Variants in SLC7A9 observed in about 807,000 individuals in gnomAD.
SLC7A9 encodes B(0,+)-type amino acid transporter 1.
A neutral mutation model predicts 54.1 loss-of-function variants in SLC7A9; 38 were observed. That is an observed-to-expected ratio of 0.70 (90% CI 0.54 to 0.92). The LOEUF (loss-of-function observed/expected upper bound fraction) is 0.92, where lower values mean the gene tolerates loss of function less well. Ranked by LOEUF, SLC7A9 falls within the 40% of genes least tolerant of loss-of-function variation. SLC7A9 has a pLI of 0.00. For missense variants in SLC7A9, 537 were observed against 636.1 expected, an observed-to-expected ratio of 0.84 and a Z score of 1.68; for synonymous variants, 264 against 258.9, an observed-to-expected ratio of 1.02 and a Z score of -0.19.
At chr19:32,868,720 C>A in intron 1 of SLC7A9, 75 bp from the exon 2 acceptor site, 1 of 661,754 alleles carries the variant, frequency 1.5e-6, no homozygotes, top group African/African-American at 1.8e-5. Flanking sequence ...GCGCTGGGCC[C>A]CAGAGTCAAA....
intron 7 of SLC7A9, 131 bp downstream of exon 7, chr19:32,860,470 CAAAAA>C: frequency 3.7e-6 from 5 of 1,359,824 alleles, no homozygotes; most frequent in South Asian, 1.4e-5. Context: ...GACTCTGTCT[CAAAAA>C]AAAAAAAAAA....
At position 32,842,526 on chromosome 19, in the gene SLC7A9, A is replaced by C. The variant is rs373009785; in HGVS notation, c.1075-209T>G. On this transcript the variant is annotated intron_variant, in intron 10 of 12. Coordinates refer to ENST00000023064, the MANE Select transcript of SLC7A9 (RefSeq NM_014270.5). ...GCAGAAAAGACCTGGGAAATTTCTG[A>C]ATCTTTGAGGTTGTGATTTTAAGCA... Among the ~76,000 whole-genome samples, 59 of 152,288 alleles carry C rather than the reference A, an allele frequency of 3.9e-4. 1 individual carries two copies. The South Asian group carries it at 0.012, about 31-fold the overall frequency.
intron 9 of SLC7A9, among the ~76,000 whole-genome samples, chr19:32,846,343 T>C (rs1968294199): frequency 6.6e-6 from 1 of 151,886 alleles, no homozygotes; most frequent in South Asian, 2.1e-4. Context: ...TCCAACGGGC[T>C]TAAAAAACGG....
intron 9 of SLC7A9, among the ~76,000 whole-genome samples, chr19:32,845,944 C>G (rs555257111): frequency 2.8e-4 from 43 of 152,282 alleles, no homozygotes; most frequent in Non-Finnish European, 5.9e-4. Flanking sequence ...GCAGAAGTTG[C>G]AGTGAGCCGA....
chr19:32,853,236 T>C (rs1167850023), intron 9 of SLC7A9, among the ~76,000 whole-genome samples: 1 of 152,110 alleles, frequency 6.6e-6, no homozygotes. Flanking sequence ...AGATGAAATG[T>C]CAAGAAAAAG....
chr19:32,857,433 G>T (rs1042995808), intron 9 of SLC7A9, among the ~76,000 whole-genome samples: 18 of 152,050 alleles, frequency 1.2e-4, no homozygotes, highest in Admixed American at 6.6e-5. Flanking sequence ...GACAGAGTGA[G>T]ACCTTGCCTC....
Position 32,868,635 on chromosome 19 carries a change from A to T in SLC7A9, c.-101T>A. The stretch of plus-strand genomic sequence containing the variant: ...CGCAAGTGCAAGCTCGGCCTGGACT[A>T]GGGGAGCTGGCTGCAAAAGCACAGT... On this transcript the variant is annotated 5_prime_UTR_variant, in exon 2 of 13. Coordinates refer to ENST00000023064, the MANE Select transcript of SLC7A9 (RefSeq NM_014270.5). The T allele has an allele frequency of 1.0e-6, 1 of 973,634 alleles. No homozygotes were observed. Among genetic ancestry groups the T allele is most frequent in the Non-Finnish European group, 1.7e-6 (1 of 603,230 alleles). The allele number at this position is 973,634 out of a possible 1,614,324, so 60.3% of individuals were successfully genotyped here.
chr19:32,836,434 G>GT (rs1332711985), intron 11 of SLC7A9, among the ~76,000 whole-genome samples: 6 of 152,070 alleles, frequency 3.9e-5, no homozygotes, highest in African/African-American at 1.4e-4. Flanking sequence ...TCAATTTCCT[G>GT]TTTTGTTTCA....
At chr19:32,843,118 G>T (rs997287420) in intron 10 of SLC7A9, among the ~76,000 whole-genome samples, 1 of 152,070 alleles carries the variant, frequency 6.6e-6, no homozygotes, top group African/African-American at 2.4e-5. Flanking sequence ...CAGAACAGTT[G>T]CACAAAACAA....
At chr19:32,855,962 A>C (rs976813990) in intron 9 of SLC7A9, among the ~76,000 whole-genome samples, 3 of 152,170 alleles carry the variant, frequency 2.0e-5, no homozygotes, top group Non-Finnish European at 2.9e-5. Context: ...CCACCAGCCC[A>C]GATAGTTGTA....
chr19:32,858,766 A>ATATTTATT (rs1417681756), intron 8 of SLC7A9, among the ~76,000 whole-genome samples: 9 of 95,682 alleles, frequency 9.4e-5, no homozygotes, highest in African/African-American at 3.3e-4. Context: ...CCTGGCATAA[A>ATATTTATT]TCTTTATTTA....
Position 32,862,157 on chromosome 19 carries a change from C to G in SLC7A9, c.665G>C (p.Ser222Thr). Residue 222 changes from serine to threonine, a missense_variant, in exon 6 of 13, where the codon AGC (serine) becomes ACC (threonine). By Grantham distance (58) the Ser-to-Thr change is moderately conservative. Transcript: ENST00000023064. ...EGAQLSVGAI[S>T]LAFYNGLWAY... The stretch of plus-strand genomic sequence containing the variant: ...CCAGAGTCCATTGTAAAACGCCAGG[C>G]TGATGGCTCCCACAGACAGCTGGGC... 1 of 1,613,820 alleles carries G rather than the reference C, an allele frequency of 6.2e-7. No homozygotes were observed. Among genetic ancestry groups the G allele is most frequent in the Non-Finnish European group, 8.5e-7 (1 of 1,179,772 alleles).
chr19:32,862,268 A>T, intron 5 of SLC7A9, 51 bp from the exon 6 acceptor site: 1 of 1,489,180 alleles, frequency 6.7e-7, no homozygotes, highest in Non-Finnish European at 9.4e-7. Context: ...GCAGATCTTG[A>T]GTGTATCTCC....
intron 9 of SLC7A9, among the ~76,000 whole-genome samples, chr19:32,846,453 G>A (rs181319799): frequency 1.9e-4 from 29 of 152,318 alleles, no homozygotes; most frequent in Middle Eastern, 3.4e-3. Flanking sequence ...ACTGCAAGGC[G>A]GCAGCGAGGC....
rs886054331 is a variant in SLC7A9 at position 32,869,693 on chromosome 19, C to T, written c.-119G>A. The T allele has an allele frequency of 3.3e-5, 5 of 152,310 alleles. No homozygotes were observed. The highest frequency in any genetic ancestry group is 4.8e-5 in the African/African-American group (2 of 41,458). 9.4% of individuals were successfully genotyped at this position (152,310 alleles called of 1,614,324 possible). On this transcript the variant is annotated 5_prime_UTR_variant, in exon 1 of 13. Transcript: ENST00000023064. ...CCTACTGACCTTACTTACCTTCCTC[C>T]GTGACCCTGCAGAGCCGGAGGAGCT...
intron 11 of SLC7A9, among the ~76,000 whole-genome samples, chr19:32,841,408 G>A (rs900025909): frequency 1.3e-5 from 2 of 151,976 alleles, no homozygotes; most frequent in African/African-American, 4.8e-5. Context: ...TGAGTCTGCG[G>A]CTGGAGTTCA....
intron 2 of SLC7A9, among the ~76,000 whole-genome samples, chr19:32,867,621 A>C (rs16967511): frequency 0.14 from 21,957 of 152,018 alleles, 2,800 homozygotes; most frequent in African/African-American, 0.34. Flanking sequence ...ACACTTGCTC[A>C]ACACACAAAA....
rs933863987 is a variant in SLC7A9, at chr19:32,862,349, G to A, written c.604+112C>T. 2.8e-5 allele frequency: 42 copies of A among 1,513,406 alleles called. No individual in the cohort carries two copies. The South Asian group carries it at 4.1e-4, about 15-fold the overall frequency. The allele number at this position is 1,513,406 out of a possible 1,614,324, so 93.7% of individuals were successfully genotyped here. On this transcript the variant is annotated intron_variant, in intron 5 of 12. Transcript: ENST00000023064. Reference sequence around the variant, plus strand: ...CCTGAAACTAAGGATCCCTCCCACCGAGTTCCTGCCATGCTTCCTTGGAGA... The same window carrying A: ...CCTGAAACTAAGGATCCCTCCCACCAAGTTCCTGCCATGCTTCCTTGGAGA...
chr19:32,832,603 AAG>A lies in SLC7A9; in HGVS notation c.1399+544_1399+545del, dbSNP rs751994056. 9.7e-3 allele frequency among the ~76,000 whole-genome samples: 1,378 copies of A among 141,952 alleles called. 40 individuals are homozygous for A. The highest frequency in any genetic ancestry group is 0.034 in the African/African-American group (1,258 of 36,928). 93.1% of individuals were successfully genotyped at this position (141,952 alleles called of 152,430 possible). A position where few individuals can be genotyped will look rare whatever the true frequency, so the allele number is the denominator to read the frequency against. ...ACTGTGTCTCAAAAAAAAAAAAAAA[AAG>A]AAAGAAAGAAAGAAAAAGAAAAACG... On this transcript the variant is annotated intron_variant, in intron 12 of 12. Transcript: ENST00000023064.
Sources: allele counts gnomAD v4.1 joint callset (sites outside exome capture counted in the v4.1 genomes callset), GRCh38; gene constraint gnomAD v4.1.1; transcripts MANE v1.5; gene names NCBI Gene and HGNC (gene_info 2026-07-23, HGNC 2026-07-21).